PCDHGA3: variants seen among roughly 807,000 people sequenced by gnomAD.
PCDHGA3 encodes protocadherin gamma subfamily A, 3, also known as protocadherin gamma-A3.
Under a neutral mutation model 58.5 loss-of-function variants are expected in PCDHGA3, and 40 were observed. The ratio of observed to expected loss-of-function variants is 0.68; its 90% CI spans 0.53 to 0.89. The LOEUF (loss-of-function observed/expected upper bound fraction) is 0.89, where lower values mean the gene tolerates loss of function less well. PCDHGA3 is among the 40% of genes least tolerant of loss of function. The probability of loss-of-function intolerance (pLI) is 0.00; values close to 1 mark genes in which losing one functional copy is unlikely to be tolerated. For missense variants in PCDHGA3, 1,223 were observed against 1,195.9 expected (o/e 1.02, Z -0.33); for synonymous variants, 530 against 525.7 (o/e 1.01, Z -0.11).
chr5:141,420,080 C>T (rs754438863), intron 1 of PCDHGA3: 2 of 1,614,010 alleles, frequency 1.2e-6, no homozygotes, highest in Non-Finnish European at 1.7e-6. Context: ...TGTGGGTCCC[C>T]CCAACTACAG....
At chr5:141,384,642 C>T (rs373564078) in intron 1 of PCDHGA3, 5 of 1,614,214 alleles carry the variant, frequency 3.1e-6, no homozygotes, top group South Asian at 2.2e-5. Flanking sequence ...CACCCCGCTC[C>T]GCAGAGCCCG....
rs751921344 is a variant in PCDHGA3, at chr5:141,347,052, C to CTCCT, written c.2424+612_2424+615dup. ...CTTCCTTCCTTCCTCTCTCTCTTTC[C>CTCCT]TCCTTCCTTCCTTCCTTCCTCTCTC... On this transcript the variant is annotated intron_variant, in intron 1 of 3. Coordinates refer to ENST00000253812, the MANE Select transcript of PCDHGA3 (RefSeq NM_018916.4). Among the ~76,000 whole-genome samples the CTCCT allele has an allele frequency of 6.4e-5, 9 of 140,360 alleles. No homozygotes were observed. The South Asian group carries it at 6.8e-4, about 11-fold the overall frequency. 92.1% of individuals were successfully genotyped at this position (140,360 alleles called of 152,430 possible).
intron 1 of PCDHGA3, chr5:141,372,557 C>T (rs1157406998): frequency 5.0e-6 from 8 of 1,614,048 alleles, no homozygotes; most frequent in Admixed American, 3.3e-5. Context: ...CCTCCAGACC[C>T]GCCACTGAGG....
Position 141,432,377 on chromosome 5 carries a change from C to T in PCDHGA3, c.2425-62430C>T. 3.7e-6 allele frequency: 6 copies of T among 1,614,240 alleles called. No homozygotes were observed. Among genetic ancestry groups the T allele is most frequent in the Non-Finnish European group, 5.1e-6 (6 of 1,180,046 alleles). On this transcript the variant is annotated intron_variant, in intron 1 of 3. Transcript: ENST00000253812. This position sits in a 1 kb window ranked among gnomAD's most constrained non-coding sequence, Gnocchi z 6.0. ...AGTGATGGCGCGGGACAACGGGCAC[C>T]CGCCCCTCAGCAGCAACGTGTCGTT...
intron 1 of PCDHGA3, among the ~76,000 whole-genome samples, chr5:141,353,205 C>A (rs1014570316): frequency 2.0e-5 from 3 of 152,184 alleles, no homozygotes; most frequent in Admixed American, 6.5e-5. Flanking sequence ...CTAAAGAGAC[C>A]TGTTTCCTAG....
rs1223986597 is a variant in PCDHGA3, at chr5:141,417,300, A to G, written c.2424+70843A>G. The G allele has an allele frequency of 2.0e-5, 3 of 152,440 alleles. No homozygotes were observed. In the East Asian group the frequency reaches 5.8e-4, roughly 29 times the overall value. The allele number at this position is 152,440 out of a possible 1,614,324, so 9.4% of individuals were successfully genotyped here. ...AAGGAACAAGAATGACTGCCTCTGG[A>G]TGGAGGAATTGGATAGCAATGGGCC... On this transcript the variant is annotated intron_variant, in intron 1 of 3. Coordinates refer to ENST00000253812, the MANE Select transcript of PCDHGA3 (RefSeq NM_018916.4).
intron 1 of PCDHGA3, chr5:141,355,008 C>G (rs959780132): frequency 1.5e-5 from 12 of 807,364 alleles, no homozygotes; most frequent in Non-Finnish European, 1.8e-5. Context: ...AAAGACAAAC[C>G]AGAAATTTAA....
intron 1 of PCDHGA3, chr5:141,418,660 T>C (rs1377720154): frequency 6.2e-7 from 1 of 1,614,024 alleles, no homozygotes; most frequent in Admixed American, 1.7e-5. Context: ...TGAAGGCCAC[T>C]GACCAGGACG....
At chr5:141,356,980 G>A in intron 1 of PCDHGA3, 1 of 1,614,252 alleles carries the variant, frequency 6.2e-7, no homozygotes, top group Non-Finnish European at 8.5e-7. Flanking sequence ...AGTGGTGGCA[G>A]TGGACAGAGA....
intron 1 of PCDHGA3, chr5:141,402,790 A>G: frequency 1.0e-6 from 1 of 961,364 alleles, no homozygotes; most frequent in Non-Finnish European, 1.5e-6. Flanking sequence ...TTCTGCGGCT[A>G]CACAAAACCC....
At chr5:141,498,012 A>T (rs184213306) in intron 2 of PCDHGA3, among the ~76,000 whole-genome samples, 6 of 152,348 alleles carry the variant, frequency 3.9e-5, no homozygotes, top group Non-Finnish European at 8.8e-5. Context: ...CAGTGCACTG[A>T]AGGAGACAAA....
intron 1 of PCDHGA3, chr5:141,430,640 G>A (rs902915974): frequency 1.1e-6 from 1 of 916,196 alleles, no homozygotes; most frequent in East Asian, 2.7e-5. Flanking sequence ...ATCCCTGGGA[G>A]TATGTGGAAA....
intron 1 of PCDHGA3, among the ~76,000 whole-genome samples, chr5:141,425,133 A>T (rs1311425564): frequency 6.6e-6 from 1 of 152,200 alleles, no homozygotes; most frequent in Non-Finnish European, 1.5e-5. Flanking sequence ...GTCAAGAAAA[A>T]TGTTCAGGTA....
intron 1 of PCDHGA3, chr5:141,417,635 G>C (rs1195744332): frequency 1.4e-6 from 1 of 724,902 alleles, no homozygotes; most frequent in Non-Finnish European, 2.1e-6. Flanking sequence ...CTGACGCCGG[G>C]GATCCCTCAG....
At chr5:141,443,604 G>A (rs1561911807) in intron 1 of PCDHGA3, among the ~76,000 whole-genome samples, 1 of 152,194 alleles carries the variant, frequency 6.6e-6, no homozygotes, top group Non-Finnish European at 1.5e-5. Context: ...TATATGAAAT[G>A]TTCTTATAAT....
intron 1 of PCDHGA3, among the ~76,000 whole-genome samples, chr5:141,386,310 A>G (rs891781671): frequency 6.6e-6 from 1 of 152,216 alleles, no homozygotes; most frequent in African/African-American, 2.4e-5. Flanking sequence ...AGCTCAGTAT[A>G]TCAAGTGATT....
chr5:141,462,202 C>T (rs188546035), intron 1 of PCDHGA3, among the ~76,000 whole-genome samples: 1,522 of 152,002 alleles, frequency 0.01, 33 homozygotes, highest in African/African-American at 0.034. Flanking sequence ...TCAGGTGATC[C>T]GCCTGCCTCG....
Position 141,487,503 on chromosome 5 carries a change from C to T in PCDHGA3, c.2425-7304C>T. On this transcript the variant is annotated intron_variant, in intron 1 of 3. Transcript: ENST00000253812. The surrounding 1 kb of genome is among the most constrained non-coding windows in gnomAD (Gnocchi z 5.0). The stretch of plus-strand genomic sequence containing the variant: ...TCTCATGGCTGTACACCCTTGGCTT[C>T]TGCACCCACTCGGAGTGATAGCTTC... 1 of 1,614,220 alleles carries T rather than the reference C, an allele frequency of 6.2e-7. No homozygotes were observed. Among genetic ancestry groups the T allele is most frequent in the Non-Finnish European group, 8.5e-7 (1 of 1,180,042 alleles).
intron 1 of PCDHGA3, chr5:141,427,448 TC>T (rs1355717683): frequency 6.2e-6 from 3 of 484,982 alleles, no homozygotes; most frequent in Non-Finnish European, 1.2e-5. Flanking sequence ...ACGAAAGAGT[TC>T]CTTTTAGAAT....
Sources: allele counts gnomAD v4.1 joint callset (sites outside exome capture counted in the v4.1 genomes callset), GRCh38; gene constraint gnomAD v4.1.1; non-coding constraint Gnocchi (gnomAD v3.1); transcripts MANE v1.5; gene names NCBI Gene and HGNC (gene_info 2026-07-23, HGNC 2026-07-21).